The following ZNF200 variants were observed in gnomAD, a reference collection of about 807,000 sequenced individuals.
The protein encoded by ZNF200 is zinc finger protein 200.
Under a neutral mutation model 33.6 loss-of-function variants are expected in ZNF200, and 35 were observed. The observed-to-expected ratio is 1.04, with a 90% CI of 0.80 to 1.38. ZNF200 has a LOEUF of 1.38. Among genes scored for constraint, ZNF200 ranks in the 40% most tolerant of loss-of-function variants. The pLI is 0.00. For missense variants in ZNF200, 592 were observed against 470.6 expected (o/e 1.26, Z -2.39); for synonymous variants, 209 against 167.7 (o/e 1.25, Z -1.90).
chr16:3,233,934 G>T, intron 1 of ZNF200, 98 bp from the exon 2 acceptor site: 11 of 841,080 alleles, frequency 1.3e-5, no homozygotes, highest in East Asian at 6.3e-5. Context: ...GAGATCTAAA[G>T]AAAACGACAG....
At chr16:3,232,664 T>C in intron 3 of ZNF200, 117 bp from the exon 4 acceptor site, 1 of 1,501,620 alleles carries the variant, frequency 6.7e-7, no homozygotes, top group Non-Finnish European at 9.0e-7. Context: ...GACCTATAAA[T>C]CCCACAGAGG....
Position 3,223,706 on chromosome 16 carries a change from A to C in ZNF200, c.*186T>G. 1 of 884,316 alleles carries C rather than the reference A, an allele frequency of 1.1e-6. No individual in the cohort carries two copies. Among genetic ancestry groups the C allele is most frequent in the Non-Finnish European group, 1.7e-6 (1 of 600,544 alleles). The allele number at this position is 884,316 out of a possible 1,614,324, so 54.8% of individuals were successfully genotyped here. On this transcript the variant is annotated 3_prime_UTR_variant, in exon 5 of 5. Coordinates refer to ENST00000414144, the MANE Select transcript of ZNF200 (RefSeq NM_198088.3). ...CTAGATGCTGAGGTATAGCCCTTGA[A>C]ATGTTTTCTTCCCTGTGAATTTTCT...
At position 3,223,714 on chromosome 16, in the gene ZNF200, C is replaced by T; in HGVS notation, c.*178G>A. The T allele has an allele frequency of 4.1e-6, 4 of 968,840 alleles. No homozygotes were observed. Among genetic ancestry groups the T allele is most frequent in the Non-Finnish European group, 6.0e-6 (4 of 672,062 alleles). The allele number at this position is 968,840 out of a possible 1,614,324, so 60.0% of individuals were successfully genotyped here. A position where few individuals can be genotyped will look rare whatever the true frequency, so the allele number is the denominator to read the frequency against. On this transcript the variant is annotated 3_prime_UTR_variant, in exon 5 of 5. Transcript: ENST00000414144. Reference sequence around the variant, plus strand: ...TGAGGTATAGCCCTTGAAATGTTTTCTTCCCTGTGAATTTTCTAGCAATTT... The same window carrying T: ...TGAGGTATAGCCCTTGAAATGTTTTTTTCCCTGTGAATTTTCTAGCAATTT...
chr16:3,233,728 G>T lies in ZNF200; in HGVS notation c.28C>A (p.Pro10Thr). 6.2e-7 allele frequency: 1 copy of T among 1,612,302 alleles called. No individual in the cohort carries two copies. Among genetic ancestry groups the T allele is most frequent in the Non-Finnish European group, 8.5e-7 (1 of 1,179,338 alleles). The change falls in exon 2 of 5, where the codon CCC becomes ACC. Residue 10 changes from proline to threonine, a missense_variant. Pro to Thr is a conservative substitution (Grantham distance 38). Coordinates refer to ENST00000414144, the MANE Select transcript of ZNF200 (RefSeq NM_198088.3). Reference protein sequence around the residue: MMAAKVVPMPPKPKQSFILR... With the variant: MMAAKVVPMTPKPKQSFILR... ...ATAAAGGACTGCTTTGGCTTTGGGG[G>T]CATAGGAACCACTTTTGCAGCCATC...
chr16:3,228,980 T>C (rs1046827197), intron 4 of ZNF200, among the ~76,000 whole-genome samples: 3 of 152,136 alleles, frequency 2.0e-5, no homozygotes, highest in Non-Finnish European at 4.4e-5. Flanking sequence ...TTGAAAATAT[T>C]TGAGAGAAAA....
chr16:3,224,499 T>C lies in ZNF200; in HGVS notation c.581A>G (p.Gln194Arg). The C allele has an allele frequency of 1.2e-6, 2 of 1,614,238 alleles. No homozygotes were observed. Reference protein sequence around the residue: ...DDEMDSSLVSQQPPDNQEKER... With the variant: ...DDEMDSSLVSRQPPDNQEKER... ...CTTTTCCTGGTTATCGGGAGGCTGC[T>C]GAGAGACCAAGGAAGAATCCATTTC... The change falls in exon 5 of 5, where the codon CAG becomes CGG. Residue 194 changes from glutamine to arginine, a missense_variant. By Grantham distance (43) the Gln-to-Arg change is conservative. Transcript: ENST00000414144.
At chr16:3,229,754 A>G (rs1958586629) in intron 4 of ZNF200, among the ~76,000 whole-genome samples, 1 of 152,130 alleles carries the variant, frequency 6.6e-6, no homozygotes. Flanking sequence ...AGTCCCAGCT[A>G]CTCGGGAGGC....
intron 4 of ZNF200, chr16:3,227,587 G>C (rs114477370): frequency 6.6e-6 from 1 of 151,138 alleles, no homozygotes; most frequent in South Asian, 2.1e-4. Context: ...AGTCATGGGC[G>C]GGGGGGCCTT....
intron 4 of ZNF200, among the ~76,000 whole-genome samples, chr16:3,230,348 CTTTAA>C (rs1958603317): frequency 6.6e-6 from 1 of 152,222 alleles, no homozygotes; most frequent in Admixed American, 6.5e-5. Context: ...GTGGAAGGAA[CTTTAA>C]TTTACTGATC....
At chr16:3,230,764 C>A (rs1024090634) in intron 4 of ZNF200, among the ~76,000 whole-genome samples, 1 of 152,202 alleles carries the variant, frequency 6.6e-6, no homozygotes, top group African/African-American at 2.4e-5. Flanking sequence ...CACATCTGAA[C>A]TCCAATCCCC....
In ZNF200 at chr16:3,224,097, C is replaced by G. The variant is rs1365317296; in HGVS notation, c.983G>C (p.Gly328Ala). ...RQNSHRSRHEGIHIREKIFKC... is the reference protein window; with the variant it reads ...RQNSHRSRHEAIHIREKIFKC... Reference sequence around the variant, plus strand: ...AAATATCTTCTCCCTTATATGGATTCCTTCATGACGACTCCGATGAGAATT... The same window carrying G: ...AAATATCTTCTCCCTTATATGGATTGCTTCATGACGACTCCGATGAGAATT... The change falls in exon 5 of 5, where the codon GGA becomes GCA. Residue 328 changes from glycine (G) to alanine (A), a missense_variant. By Grantham distance (60) the Gly-to-Ala change is moderately conservative. Transcript: ENST00000414144. 3 of 1,614,022 alleles carry G rather than the reference C, an allele frequency of 1.9e-6. No individual in the cohort carries two copies. The highest frequency in any genetic ancestry group is 2.5e-6 in the Non-Finnish European group (3 of 1,180,030).
rs1958370110 is a variant in ZNF200, at chr16:3,223,049, C to T, written c.*843G>A. The T allele has an allele frequency of 6.6e-6, 1 of 152,170 alleles. No individual in the cohort carries two copies. The highest frequency in any genetic ancestry group is 1.5e-5 in the Non-Finnish European group (1 of 68,056). The allele number at this position is 152,170 out of a possible 1,614,324, so 9.4% of individuals were successfully genotyped here. On this transcript the variant is annotated 3_prime_UTR_variant, in exon 5 of 5. Coordinates refer to ENST00000414144, the MANE Select transcript of ZNF200 (RefSeq NM_198088.3). ...CTTCCTCTCTGGGTCTTGGGGTTTC[C>T]TTCGTAGCACATGAGATCTGGGCTC...
intron 1 of ZNF200, 164 bp from the exon 2 acceptor site, chr16:3,234,000 A>G (rs1380499151): frequency 4.9e-6 from 2 of 412,316 alleles, no homozygotes; most frequent in Non-Finnish European, 8.3e-6. Flanking sequence ...ATGCTTAGGA[A>G]GATGTGAAAG....
intron 4 of ZNF200, among the ~76,000 whole-genome samples, chr16:3,230,556 C>T (rs916673748): frequency 6.6e-6 from 1 of 152,188 alleles, no homozygotes; most frequent in Non-Finnish European, 1.5e-5. Context: ...AAGTGTTCTA[C>T]GTTTTTCCTT....
At position 3,224,504 on chromosome 16, in the gene ZNF200, G is replaced by C. The variant is rs542164536; in HGVS notation, c.576C>G (p.Val192=). The C allele has an allele frequency of 6.2e-7, 1 of 1,614,178 alleles. No individual in the cohort carries two copies. The highest frequency in any genetic ancestry group is 2.2e-5 in the East Asian group (1 of 44,884). ...CCTGGTTATCGGGAGGCTGCTGAGA[G>C]ACCAAGGAAGAATCCATTTCATCAT... is the stretch of plus-strand genomic sequence containing the variant. ...SDDDEMDSSL[V]SQQPPDNQEK... The change falls in exon 5 of 5, where the codon GTC becomes GTG. Residue 192 remains valine (V), a synonymous_variant. Coordinates refer to ENST00000414144, the MANE Select transcript of ZNF200 (RefSeq NM_198088.3).
chr16:3,233,318 GCA>G (rs1405084484), intron 2 of ZNF200, among the ~76,000 whole-genome samples, 186 bp downstream of exon 2: 1 of 152,166 alleles, frequency 6.6e-6, no homozygotes, highest in African/African-American at 2.4e-5. Flanking sequence ...ACAGAAAGAT[GCA>G]CACTGTTTAT....
At position 3,232,467 on chromosome 16, in the gene ZNF200, C is replaced by A; in HGVS notation, c.420G>T (p.Thr140=). The A allele has an allele frequency of 6.2e-7, 1 of 1,614,098 alleles. No individual in the cohort carries two copies. The highest frequency in any genetic ancestry group is 1.1e-5 in the South Asian group (1 of 91,086). ...CACTGCTGTCATCTTCCTTCTCTGA[C>A]GTGAGTTGTTGAGTAGGATCCAAGC... is the stretch of plus-strand genomic sequence containing the variant. ...CVSLDPTQQL[T]SEKEDDSSVG... is the part of the protein sequence containing the mutation. The change falls in exon 4 of 5, where the codon ACG becomes ACT. Residue 140 remains threonine, a synonymous_variant. Transcript: ENST00000414144.
At position 3,224,049 on chromosome 16, in the gene ZNF200, G is replaced by A; in HGVS notation, c.1031C>T (p.Thr344Ile). 1 of 1,614,104 alleles carries A rather than the reference G, an allele frequency of 6.2e-7. No homozygotes were observed. The change falls in exon 5 of 5, where the codon ACC becomes ATC. Residue 344 changes from threonine to isoleucine, a missense_variant. By Grantham distance (89) the Thr-to-Ile change is moderately conservative (BLOSUM62 -1). Transcript: ENST00000414144. ...CACAAACTCCTCATTCTTTGGGAAG[G>A]TTTTCCCACATTCTGGACACTTAAA... Reference protein sequence around the residue: ...KIFKCPECGKTFPKNEEFVLH... With the variant: ...KIFKCPECGKIFPKNEEFVLH...
chr16:3,223,920 G>T lies in ZNF200; in HGVS notation c.1160C>A (p.Ser387Ter), dbSNP rs1958394832. ...SNCTRHEKTH[S>*]ACKTRKQK is the part of the protein sequence containing the mutation. ...CTTCTGCTTTCGGGTCTTACAGGCTGAGTGGGTTTTCTCATGCCGGGTACA... is the reference window on the plus strand; with the variant it reads ...CTTCTGCTTTCGGGTCTTACAGGCTTAGTGGGTTTTCTCATGCCGGGTACA... The change falls in exon 5 of 5, where the codon TCA becomes TAA. Residue 387 changes from serine (S) to a stop codon, truncating the protein, a stop_gained. Coordinates refer to ENST00000414144, the MANE Select transcript of ZNF200 (RefSeq NM_198088.3). LOFTEE classifies it high-confidence loss of function. 1 of 1,613,690 alleles carries T rather than the reference G, an allele frequency of 6.2e-7. No homozygotes were observed. The highest frequency in any genetic ancestry group is 8.5e-7 in the Non-Finnish European group (1 of 1,179,868).
Sources: allele counts gnomAD v4.1 joint callset (sites outside exome capture counted in the v4.1 genomes callset), GRCh38; gene constraint gnomAD v4.1.1; transcripts MANE v1.5; gene names NCBI Gene and HGNC (gene_info 2026-07-23, HGNC 2026-07-21).